Variants in PDE3B observed in about 807,000 individuals in gnomAD.
PDE3B encodes the protein cGMP-inhibited 3',5'-cyclic phosphodiesterase 3B.
PDE3B carries 66 observed loss-of-function variants against 116.8 expected under a neutral mutation model. That is an observed-to-expected ratio of 0.56 (90% confidence interval 0.46 to 0.69). The LOEUF (loss-of-function observed/expected upper bound fraction) is 0.69. PDE3B is among the 30% of genes least tolerant of loss of function. The probability of loss-of-function intolerance (pLI) is 0.00; values close to 1 mark genes in which losing one functional copy is unlikely to be tolerated. For synonymous variants in PDE3B, 595 were observed against 533.6 expected, an observed-to-expected ratio of 1.12 and a Z score of -1.59; for missense variants, 1,384 against 1,368.1, an observed-to-expected ratio of 1.01 and a Z score of -0.18.
intron 5 of PDE3B, among the ~76,000 whole-genome samples, chr11:14,811,726 T>C (rs1204591661): frequency 6.6e-6 from 1 of 152,030 alleles, no homozygotes; most frequent in African/African-American, 2.4e-5. Flanking sequence ...GTAAATTACC[T>C]TGGGCAGTAT....
chr11:14,680,584 A>G (rs1354872150), intron 1 of PDE3B, among the ~76,000 whole-genome samples: 1 of 152,154 alleles, frequency 6.6e-6, no homozygotes, highest in Non-Finnish European at 1.5e-5. Flanking sequence ...CTTCATTTGT[A>G]TGTGTATATA....
chr11:14,666,427 A>C (rs1854153856), intron 1 of PDE3B, among the ~76,000 whole-genome samples: 1 of 151,172 alleles, frequency 6.6e-6, no homozygotes, highest in South Asian at 2.1e-4. Flanking sequence ...GCCAAAATTG[A>C]CAAATGGGAT....
chr11:14,699,120 C>T (rs867847657), intron 1 of PDE3B: 4 of 151,908 alleles, frequency 2.6e-5, no homozygotes, highest in African/African-American at 9.7e-5. Context: ...TCTATCCATT[C>T]CAAAACTGAA....
intron 1 of PDE3B, among the ~76,000 whole-genome samples, chr11:14,659,775 A>G (rs988717387): frequency 7.2e-5 from 11 of 152,208 alleles, no homozygotes; most frequent in Non-Finnish European, 1.2e-4. Context: ...TTTTTAATTC[A>G]AACACATTTT....
intron 7 of PDE3B, among the ~76,000 whole-genome samples, chr11:14,821,250 C>T (rs983302323): frequency 1.3e-5 from 2 of 152,176 alleles, no homozygotes; most frequent in African/African-American, 2.4e-5. Flanking sequence ...GTGGAAACTA[C>T]CAGTTCAGTT....
chr11:14,735,663 A>G (rs1856575487), intron 1 of PDE3B, among the ~76,000 whole-genome samples: 1 of 152,218 alleles, frequency 6.6e-6, no homozygotes, highest in South Asian at 2.1e-4. Flanking sequence ...CCTCAGTCAC[A>G]CTGACCACAT....
the PDE3B span, chr11:14,891,645 C>A: frequency 5.2e-6 from 6 of 1,146,906 alleles, no homozygotes; most frequent in South Asian, 1.1e-4. Flanking sequence ...CATGCGTCCA[C>A]CCTGGACCTG....
chr11:14,651,738 T>C (rs1450747369), intron 1 of PDE3B, among the ~76,000 whole-genome samples: 1 of 152,206 alleles, frequency 6.6e-6, no homozygotes, highest in Non-Finnish European at 1.5e-5. Flanking sequence ...TATCCAGTCA[T>C]GCCAACACAC....
chr11:14,679,775 C>T (rs1369499366), intron 1 of PDE3B, among the ~76,000 whole-genome samples: 1 of 151,892 alleles, frequency 6.6e-6, no homozygotes, highest in Non-Finnish European at 1.5e-5. Flanking sequence ...CCTTACTCTA[C>T]TCGACTGGCT....
intron 1 of PDE3B, among the ~76,000 whole-genome samples, chr11:14,661,817 GT>G (rs1853929023): frequency 6.6e-6 from 1 of 152,194 alleles, no homozygotes; most frequent in South Asian, 2.1e-4. Flanking sequence ...CTCGAACTGG[GT>G]GGAACCCACC....
At chr11:14,685,566 C>G (rs1854848962) in intron 1 of PDE3B, among the ~76,000 whole-genome samples, 1 of 141,780 alleles carries the variant, frequency 7.1e-6, no homozygotes, top group African/African-American at 2.5e-5. Flanking sequence ...AGTGCTTTTT[C>G]TCCCTCAGCT....
intron 1 of PDE3B, chr11:14,698,975 G>A (rs1855289225): frequency 6.6e-6 from 1 of 151,950 alleles, no homozygotes; most frequent in Non-Finnish European, 1.5e-5. Context: ...TTGGAAACTT[G>A]TAAGCTTCTT....
At chr11:14,718,047 A>G (rs1300385151) in intron 1 of PDE3B, among the ~76,000 whole-genome samples, 2 of 150,764 alleles carry the variant, frequency 1.3e-5, no homozygotes, top group Admixed American at 6.6e-5. Context: ...AGAGACACAC[A>G]TAGGCTGAAA....
chr11:14,798,772 G>GGTGATACA (rs1289304454), intron 4 of PDE3B, among the ~76,000 whole-genome samples: 1 of 152,052 alleles, frequency 6.6e-6, no homozygotes, highest in Non-Finnish European at 1.5e-5. Context: ...TGGGATCAGT[G>GGTGATACA]GTGATATCCC....
chr11:14,787,973 C>T (rs1003154527), intron 3 of PDE3B, among the ~76,000 whole-genome samples: 12 of 151,804 alleles, frequency 7.9e-5, no homozygotes, highest in African/African-American at 9.6e-5. Context: ...TGTACTGGTA[C>T]ATTTTAGGAA....
chr11:14,646,933 A>G (rs1853425584), intron 1 of PDE3B, among the ~76,000 whole-genome samples: 1 of 152,224 alleles, frequency 6.6e-6, no homozygotes, highest in Admixed American at 6.5e-5. Context: ...CACTTAAAGT[A>G]TATGTGAATA....
intron 1 of PDE3B, among the ~76,000 whole-genome samples, chr11:14,728,233 A>G (rs1791083613): frequency 6.6e-6 from 1 of 151,944 alleles, no homozygotes; most frequent in Non-Finnish European, 1.5e-5. Flanking sequence ...TGTGGCTGAT[A>G]GTGTTATATA....
chr11:14,896,959 A>C, the PDE3B span, among the ~76,000 whole-genome samples: 1 of 152,244 alleles, frequency 6.6e-6, no homozygotes, highest in Non-Finnish European at 1.5e-5. Flanking sequence ...TGACAATCTG[A>C]TAATGAAAAA....
chr11:14,789,027 T>G (rs1036686072), intron 3 of PDE3B, 79 bp from the exon 4 acceptor site: 17 of 978,328 alleles, frequency 1.7e-5, no homozygotes, highest in South Asian at 1.1e-4. Flanking sequence ...GTATTGATAC[T>G]TTCATGTGCC....
Sources: allele counts gnomAD v4.1 joint callset (sites outside exome capture counted in the v4.1 genomes callset), GRCh38; gene constraint gnomAD v4.1.1; transcripts MANE v1.5; gene names NCBI Gene and HGNC (gene_info 2026-07-23, HGNC 2026-07-21).